RASA1: variants seen among roughly 807,000 people sequenced by gnomAD.
RASA1 encodes ras GTPase-activating protein 1.
A neutral mutation model predicts 132.2 loss-of-function variants in RASA1; 25 were observed. The observed-to-expected ratio is 0.19, with a 90% CI of 0.14 to 0.26. The LOEUF is 0.26. Among genes scored for constraint, RASA1 ranks in the 10% least tolerant of loss-of-function variants. RASA1 has a pLI of 1.00. For synonymous variants in RASA1, 477 were observed against 449.9 expected (o/e 1.06, Z -0.76); for missense variants, 964 against 1,299.2 (o/e 0.74, Z 3.97).
intron 1 of RASA1, among the ~76,000 whole-genome samples, chr5:87,309,873 T>C (rs890009824): frequency 6.6e-6 from 1 of 152,150 alleles, no homozygotes; most frequent in Non-Finnish European, 1.5e-5. Flanking sequence ...TCTTACTGAA[T>C]GTTGTATCAG....
chr5:87,367,092 T>A lies in RASA1; in HGVS notation c.1611-2721T>A, dbSNP rs77139855. 5.6e-3 allele frequency among the ~76,000 whole-genome samples: 853 copies of A among 152,194 alleles called. 12 individuals are homozygous for A. Among genetic ancestry groups the A allele is most frequent in the African/African-American group, 0.02 (814 of 41,464 alleles). ...TTTTTCAAAGTATGCTACTTTATTA[T>A]TAACTATTTTTTTTAAAGTGCCTTC... is the stretch of plus-strand genomic sequence containing the variant. On this transcript the variant is annotated intron_variant, in intron 11 of 24. Coordinates refer to ENST00000274376, the MANE Select transcript of RASA1 (RefSeq NM_002890.3).
intron 4 of RASA1, among the ~76,000 whole-genome samples, chr5:87,334,155 C>T (rs571700690): frequency 6.6e-6 from 1 of 152,210 alleles, no homozygotes; most frequent in African/African-American, 2.4e-5. Flanking sequence ...TAAAGACCCA[C>T]AATCGGCTGT....
chr5:87,381,744 C>T (rs1021597655), intron 20 of RASA1, among the ~76,000 whole-genome samples: 3 of 152,182 alleles, frequency 2.0e-5, no homozygotes, highest in African/African-American at 7.2e-5. Flanking sequence ...TAAATTAAAA[C>T]TGTTCTATAA....
chr5:87,272,864 A>T (rs752637474), intron 1 of RASA1, among the ~76,000 whole-genome samples: 14 of 152,218 alleles, frequency 9.2e-5, no homozygotes, highest in Non-Finnish European at 1.8e-4. Flanking sequence ...CTGAATGTAG[A>T]TATTCATATT....
At chr5:87,362,357 GT>G (rs1021989736) in intron 9 of RASA1, among the ~76,000 whole-genome samples, 193 bp from the exon 10 acceptor site, 14 of 152,242 alleles carry the variant, frequency 9.2e-5, no homozygotes, top group Admixed American at 9.2e-4. Context: ...TGTGAACTTT[GT>G]TGTCGGTGTT....
At chr5:87,287,593 T>G (rs1037314415) in intron 1 of RASA1, among the ~76,000 whole-genome samples, 4 of 148,604 alleles carry the variant, frequency 2.7e-5, no homozygotes, top group Non-Finnish European at 6.0e-5. Flanking sequence ...ATATACACCA[T>G]ACATATACAC....
chr5:87,338,533 A>ATATATATATATATATATATAT (rs1491365794), intron 5 of RASA1, among the ~76,000 whole-genome samples: 29 of 91,258 alleles, frequency 3.2e-4, no homozygotes, highest in East Asian at 8.6e-4. Flanking sequence ...ATATATATAT[A>ATATATATATATATATATATAT]AAATTTTTTT....
intron 24 of RASA1, 95 bp from the exon 25 acceptor site, chr5:87,390,705 T>G (rs1410850926): frequency 2.0e-6 from 2 of 987,480 alleles, no homozygotes; most frequent in Non-Finnish European, 3.2e-6. Flanking sequence ...TATGCATCCT[T>G]TTGCTTTGAT....
Position 87,385,293 on chromosome 5 carries a change from T to G in RASA1, c.2759-8T>G. 1 of 1,585,844 alleles carries G rather than the reference T, an allele frequency of 6.3e-7. No homozygotes were observed. The highest frequency in any genetic ancestry group is 8.7e-7 in the Non-Finnish European group (1 of 1,154,772). ...TGGTGTCATTAGCTGTGCCCAATTC[T>G]GTTACAGATTCTCCATCTCCTATTG... On this transcript the variant is annotated splice_polypyrimidine_tract_variant and splice_region_variant and intron_variant, in intron 21 of 24. Transcript: ENST00000274376.
In RASA1 at chr5:87,268,796, T is replaced by C. The variant is rs776255469; in HGVS notation, c.345T>C (p.Ala115=). 1 of 1,614,020 alleles carries C rather than the reference T, an allele frequency of 6.2e-7. No homozygotes were observed. The highest frequency in any genetic ancestry group is 2.2e-5 in the East Asian group (1 of 44,880). ...AAVAGPSGDM[A]LTKLPTSLLA... is the part of the protein sequence containing the mutation. ...TTGCTGGACCTAGTGGAGACATGGC[T>C]CTCACCAAACTGCCCACTTCGTTGC... The change falls in exon 1 of 25, where the codon GCT becomes GCC. Residue 115 remains alanine, a synonymous_variant. Transcript: ENST00000274376.
At chr5:87,356,785 C>T (rs937486592) in intron 9 of RASA1, among the ~76,000 whole-genome samples, 4 of 152,160 alleles carry the variant, frequency 2.6e-5, no homozygotes, top group African/African-American at 9.7e-5. Flanking sequence ...CTTATACGTG[C>T]ACTGCGAAAC....
Position 87,389,437 on chromosome 5 carries a change from C to T in RASA1, c.2970C>T (p.Asp990=), listed in dbSNP as rs762817723. The change falls in exon 24 of 25, where the codon GAC becomes GAT. Residue 990 remains aspartate (D), a synonymous_variant. Coordinates refer to ENST00000274376, the MANE Select transcript of RASA1 (RefSeq NM_002890.3). ...LPDTTEHSRT[D]LSRDLAALHE... ...ACACTACAGAGCATTCTAGAACGGA[C>T]CTGTCCCGTGATTTAGCAGCATTGC... 2 of 1,614,130 alleles carry T rather than the reference C, an allele frequency of 1.2e-6. No homozygotes were observed. The highest frequency in any genetic ancestry group is 4.5e-5 in the East Asian group (2 of 44,882).
At chr5:87,380,627 A>G (rs1761642548) in intron 20 of RASA1, 32 bp downstream of exon 20, 4 of 1,510,678 alleles carry the variant, frequency 2.6e-6, no homozygotes, top group Non-Finnish European at 3.7e-6. Flanking sequence ...GTTAAATCAC[A>G]TACTAATAGG....
At chr5:87,378,882 C>G (rs1386352818) in intron 18 of RASA1, among the ~76,000 whole-genome samples, 1 of 152,088 alleles carries the variant, frequency 6.6e-6, no homozygotes, top group Non-Finnish European at 1.5e-5. Context: ...ACCTATGTAG[C>G]ACTTCATTAC....
chr5:87,389,553 C>A (rs766327338), intron 24 of RASA1, 26 bp downstream of exon 24: 2 of 1,611,218 alleles, frequency 1.2e-6, no homozygotes, highest in Admixed American at 3.3e-5. Context: ...CCTTCATTAA[C>A]AATGATGTTT....
At chr5:87,273,531 G>T (rs1012808965) in intron 1 of RASA1, among the ~76,000 whole-genome samples, 1 of 151,984 alleles carries the variant, frequency 6.6e-6, no homozygotes, top group Non-Finnish European at 1.5e-5. Flanking sequence ...TATTGTTTGT[G>T]TAGTGCACCA....
intron 1 of RASA1, chr5:87,269,381 T>C (rs1753723940): frequency 1.4e-6 from 2 of 1,403,652 alleles, no homozygotes; most frequent in African/African-American, 1.4e-5. Flanking sequence ...AGATGATTAG[T>C]GAGAAGCTTT....
At chr5:87,307,626 T>C (rs1755679367) in intron 1 of RASA1, among the ~76,000 whole-genome samples, 1 of 152,264 alleles carries the variant, frequency 6.6e-6, no homozygotes, top group African/African-American at 2.4e-5. Flanking sequence ...CTTGAATAAC[T>C]GTTATAGCCT....
intron 1 of RASA1, among the ~76,000 whole-genome samples, chr5:87,297,658 C>G (rs1350687923): frequency 6.6e-6 from 1 of 152,180 alleles, no homozygotes; most frequent in Non-Finnish European, 1.5e-5. Flanking sequence ...CAAGGCAGGC[C>G]TTGTTAAGAA....
Sources: allele counts gnomAD v4.1 joint callset (sites outside exome capture counted in the v4.1 genomes callset), GRCh38; gene constraint gnomAD v4.1.1; transcripts MANE v1.5; gene names NCBI Gene and HGNC (gene_info 2026-07-23, HGNC 2026-07-21).